Variants in TRPS1 observed in about 807,000 individuals in gnomAD.
TRPS1 encodes transcriptional repressor GATA binding 1, also known as zinc finger transcription factor Trps1.
TRPS1 carries 6 observed loss-of-function variants against 101.2 expected under a neutral mutation model. The observed-to-expected ratio is 0.06, with a 90% CI of 0.03 to 0.12. The LOEUF (loss-of-function observed/expected upper bound fraction) is 0.12. Ranked by LOEUF, TRPS1 falls within the 10% of genes least tolerant of loss-of-function variation. The probability of loss-of-function intolerance (pLI) is 1.00; values close to 1 mark genes in which losing one functional copy is unlikely to be tolerated. For synonymous variants in TRPS1, 578 were observed against 589.8 expected, an observed-to-expected ratio of 0.98 and a Z score of 0.29; for missense variants, 1,363 against 1,567.0, an observed-to-expected ratio of 0.87 and a Z score of 2.20.
chr8:115,545,129 C>T (rs1006972042), intron 5 of TRPS1, among the ~76,000 whole-genome samples: 20 of 152,054 alleles, frequency 1.3e-4, no homozygotes, highest in Non-Finnish European at 1.8e-4. Context: ...AGTGGATGCA[C>T]GCTTATGGTT....
At chr8:115,469,561 T>A (rs800877) in intron 5 of TRPS1, among the ~76,000 whole-genome samples, 2 of 152,076 alleles carry the variant, frequency 1.3e-5, no homozygotes, top group African/African-American at 4.8e-5. Context: ...TGCAGTGGCG[T>A]GATCCCAGCT....
chr8:115,562,687 C>T (rs773249991), intron 5 of TRPS1, among the ~76,000 whole-genome samples: 3 of 151,434 alleles, frequency 2.0e-5, no homozygotes, highest in Admixed American at 6.6e-5. Flanking sequence ...CAAGACACTG[C>T]GCTGATAAGA....
At chr8:115,626,460 T>C (rs1818511776) in intron 1 of TRPS1, among the ~76,000 whole-genome samples, 1 of 151,820 alleles carries the variant, frequency 6.6e-6, no homozygotes. Flanking sequence ...AATACTTCAA[T>C]GGTAGATCGC....
intron 1 of TRPS1, among the ~76,000 whole-genome samples, chr8:115,661,862 T>C (rs993517994): frequency 5.9e-5 from 9 of 151,702 alleles, no homozygotes; most frequent in African/African-American, 2.2e-4. Context: ...AACACCTCCC[T>C]TTGCCTTATT....
intron 5 of TRPS1, among the ~76,000 whole-genome samples, chr8:115,459,047 C>T (rs1308653810): frequency 6.6e-6 from 1 of 152,036 alleles, no homozygotes; most frequent in Non-Finnish European, 1.5e-5. Flanking sequence ...GTAAAAGTTA[C>T]CTTTTCTTAG....
At chr8:115,464,955 G>A (rs1008557595) in intron 5 of TRPS1, among the ~76,000 whole-genome samples, 5 of 151,964 alleles carry the variant, frequency 3.3e-5, no homozygotes, top group Admixed American at 1.3e-4. Context: ...CAAGTACAAC[G>A]CAATCAAGCA....
intron 5 of TRPS1, among the ~76,000 whole-genome samples, chr8:115,481,430 C>G (rs951549103): frequency 6.6e-6 from 1 of 151,520 alleles, no homozygotes; most frequent in Non-Finnish European, 1.5e-5. Context: ...AAAACCCATA[C>G]AGAGTAATTA....
At chr8:115,644,323 T>G (rs1199813457) in intron 1 of TRPS1, among the ~76,000 whole-genome samples, 2 of 152,238 alleles carry the variant, frequency 1.3e-5, no homozygotes, top group African/African-American at 4.8e-5. Context: ...GTGCTGCAGC[T>G]TCTTCATCAT....
At position 115,623,538 on chromosome 8, in the gene TRPS1, G is replaced by A. The variant is rs1352179909; in HGVS notation, c.37+63C>T. The A allele has an allele frequency of 1.9e-6, 3 of 1,574,974 alleles. No individual in the cohort carries two copies. The East Asian group carries it at 6.8e-5, about 36-fold the overall frequency. The stretch of plus-strand genomic sequence containing the variant: ...TAAGACAAATAACAGATTGCACGAT[G>A]TTTTACTGTGTGCCAAGAACTTTTC... On this transcript the variant is annotated intron_variant, in intron 2 of 6. Coordinates refer to ENST00000395715, the MANE Select transcript of TRPS1 (RefSeq NM_014112.5).
intron 5 of TRPS1, chr8:115,492,357 T>A (rs1312275520): frequency 4.6e-6 from 2 of 430,824 alleles, no homozygotes; most frequent in East Asian, 7.1e-5. Flanking sequence ...ACAGACAGGG[T>A]TCCAGTGTTA....
chr8:115,526,914 A>C (rs887343973), intron 5 of TRPS1, among the ~76,000 whole-genome samples: 3 of 152,106 alleles, frequency 2.0e-5, no homozygotes, highest in Non-Finnish European at 4.4e-5. Flanking sequence ...AAATGGTTTA[A>C]TTTCTAGGAG....
intron 5 of TRPS1, among the ~76,000 whole-genome samples, chr8:115,438,157 C>G (rs750882854): frequency 6.6e-6 from 1 of 152,186 alleles, no homozygotes; most frequent in Non-Finnish European, 1.5e-5. Context: ...TTTATAGGCA[C>G]AGGACTGCAT....
chr8:115,526,260 C>A (rs909446797), intron 5 of TRPS1, among the ~76,000 whole-genome samples: 10 of 151,870 alleles, frequency 6.6e-5, no homozygotes, highest in Admixed American at 4.6e-4. Context: ...AGTGAGCTGA[C>A]ATCACGCCAC....
chr8:115,560,941 C>T (rs1816931880), intron 5 of TRPS1, among the ~76,000 whole-genome samples: 1 of 152,064 alleles, frequency 6.6e-6, no homozygotes, highest in Non-Finnish European at 1.5e-5. Flanking sequence ...ATGATTTTAA[C>T]GTTAACATTC....
intron 4 of TRPS1, among the ~76,000 whole-genome samples, chr8:115,598,952 A>G (rs1817848324): frequency 6.6e-6 from 1 of 152,246 alleles, no homozygotes; most frequent in Middle Eastern, 3.4e-3. Context: ...TTATTCCTAT[A>G]CATCATCCTG....
chr8:115,487,390 C>G (rs1047637048), intron 5 of TRPS1, among the ~76,000 whole-genome samples: 2 of 119,200 alleles, frequency 1.7e-5, no homozygotes, highest in Admixed American at 7.8e-5. Flanking sequence ...TATCCTGCAG[C>G]CTGTGGACCC....
At chr8:115,433,657 T>C (rs141976284) in intron 5 of TRPS1, among the ~76,000 whole-genome samples, 9 of 152,266 alleles carry the variant, frequency 5.9e-5, no homozygotes, top group African/African-American at 1.4e-4. Flanking sequence ...TCTTGACTTA[T>C]AATGCAAGAA....
intron 1 of TRPS1, among the ~76,000 whole-genome samples, chr8:115,648,152 G>A (rs985855907): frequency 4.6e-5 from 7 of 152,140 alleles, no homozygotes; most frequent in African/African-American, 1.7e-4. Context: ...AGAGTTTATG[G>A]AGAGAGGAAG....
At chr8:115,483,908 C>G (rs74750737) in intron 5 of TRPS1, among the ~76,000 whole-genome samples, 2 of 152,214 alleles carry the variant, frequency 1.3e-5, no homozygotes, top group East Asian at 3.9e-4. Context: ...TGGATTTTCT[C>G]CAGACAGGAT....
Sources: allele counts gnomAD v4.1 joint callset (sites outside exome capture counted in the v4.1 genomes callset), GRCh38; gene constraint gnomAD v4.1.1; transcripts MANE v1.5; gene names NCBI Gene and HGNC (gene_info 2026-07-23, HGNC 2026-07-21).